The following STAU2 variants were observed in gnomAD, a reference collection of about 807,000 sequenced individuals.
STAU2 encodes staufen double-stranded RNA binding protein 2, also known as double-stranded RNA-binding protein Staufen homolog 2.
In STAU2, 20 loss-of-function variants were observed where a neutral mutation model predicts 65.9. The observed-to-expected ratio is 0.30, with a 90% CI of 0.21 to 0.44. STAU2 has a LOEUF of 0.44. Among genes scored for constraint, STAU2 ranks in the 20% least tolerant of loss-of-function variants. STAU2 has a pLI of 1.00. For missense variants in STAU2, 558 were observed against 683.9 expected, an observed-to-expected ratio of 0.82 and a Z score of 2.05; for synonymous variants, 232 against 233.9, an observed-to-expected ratio of 0.99 and a Z score of 0.07.
At chr8:73,471,173 C>CTTTT (rs35701266) in intron 13 of STAU2, among the ~76,000 whole-genome samples, 6 of 124,864 alleles carry the variant, frequency 4.8e-5, no homozygotes, top group Admixed American at 8.5e-5. Context: ...CTAATTCTCT[C>CTTTT]TTTTTTTTTT....
chr8:73,693,016 C>A (rs977862586), intron 4 of STAU2, among the ~76,000 whole-genome samples: 6 of 151,874 alleles, frequency 4.0e-5, no homozygotes, highest in African/African-American at 9.7e-5. Context: ...AAAAAATTAT[C>A]CAGGCATGGT....
chr8:73,659,491 C>A (rs1174356558), intron 6 of STAU2, among the ~76,000 whole-genome samples: 1 of 152,104 alleles, frequency 6.6e-6, no homozygotes, highest in African/African-American at 2.4e-5. Flanking sequence ...GAGCTGAGAT[C>A]GCGCCATTGC....
chr8:73,499,916 C>T lies in STAU2; in HGVS notation c.1530+52096G>A, dbSNP rs143617652. Among the ~76,000 whole-genome samples, 501 of 151,870 alleles carry T rather than the reference C, an allele frequency of 3.3e-3. 1 individual carries two copies. Among genetic ancestry groups the T allele is most frequent in the South Asian group, 0.012 (56 of 4,820 alleles). On this transcript the variant is annotated intron_variant, in intron 13 of 14. Transcript: ENST00000524300. ...AGAAGTGAAATACCTCTGTCAAAGA[C>T]AAGCAGTGATAGTCAAGAGATTGGC...
rs902742442 is a variant in STAU2 at position 73,422,849 on chromosome 8, C to T, written c.1531-147G>A. On this transcript the variant is annotated intron_variant, in intron 13 of 14. Coordinates refer to ENST00000524300, the MANE Select transcript of STAU2 (RefSeq NM_001164380.2). ...GTTTAACAAAAGTACACTAGAAAGT[C>T]TGCATGATCAGGCAGCAGTGTATAT... 3 of 534,888 alleles carry T rather than the reference C, an allele frequency of 5.6e-6. No homozygotes were observed. The Admixed American group carries it at 1.2e-4, about 22-fold the overall frequency. 33.1% of individuals were successfully genotyped at this position (534,888 alleles called of 1,614,324 possible).
At chr8:73,670,937 C>G (rs540495058) in intron 6 of STAU2, among the ~76,000 whole-genome samples, 2 of 151,982 alleles carry the variant, frequency 1.3e-5, no homozygotes, top group African/African-American at 4.8e-5. Flanking sequence ...CAATTAAAAG[C>G]CAAATTTTTT....
intron 13 of STAU2, among the ~76,000 whole-genome samples, chr8:73,547,117 TG>T (rs1359051628): frequency 7.9e-5 from 12 of 152,228 alleles, no homozygotes; most frequent in Non-Finnish European, 2.9e-5. Flanking sequence ...AAAGTTTCTT[TG>T]GTTGGAAAAG....
chr8:73,617,269 T>C, intron 7 of STAU2, 23 bp downstream of exon 7: 1 of 1,607,922 alleles, frequency 6.2e-7, no homozygotes, highest in Non-Finnish European at 8.5e-7. Flanking sequence ...AAGAACAGAC[T>C]GTCACATGCA....
chr8:73,721,748 A>G (rs1021621119), intron 3 of STAU2, among the ~76,000 whole-genome samples: 1 of 152,136 alleles, frequency 6.6e-6, no homozygotes, highest in Non-Finnish European at 1.5e-5. Context: ...CTAGGTTACC[A>G]TATTATATCT....
At position 73,642,207 on chromosome 8, in the gene STAU2, A is replaced by G. The variant is rs117347242; in HGVS notation, c.411-24756T>C. On this transcript the variant is annotated intron_variant, in intron 6 of 14. Transcript: ENST00000524300. The stretch of plus-strand genomic sequence containing the variant: ...TCTCCTACTGCTTCTCTATGCAAAC[A>G]TGGTCAGGTCTCCCCCACTCAAAAA... 2.2e-3 allele frequency among the ~76,000 whole-genome samples: 337 copies of G among 152,224 alleles called. 14 individuals carry two copies. The East Asian group carries it at 0.057, about 26-fold the overall frequency.
chr8:73,747,068 T>G, upstream of STAU2: 24 of 237,158 alleles, frequency 1.0e-4, no homozygotes, highest in East Asian at 1.9e-4. Flanking sequence ...AGCGCGGCCA[T>G]TGTTCGCGAC....
At chr8:73,728,652 A>G (rs1402014878) in intron 3 of STAU2, among the ~76,000 whole-genome samples, 1 of 152,190 alleles carries the variant, frequency 6.6e-6, no homozygotes, top group Non-Finnish European at 1.5e-5. Context: ...CAAGTCTTTC[A>G]TAAGCAAGTC....
intron 3 of STAU2, among the ~76,000 whole-genome samples, chr8:73,731,287 A>G (rs954973960): frequency 1.2e-4 from 19 of 152,110 alleles, no homozygotes; most frequent in African/African-American, 4.1e-4. Flanking sequence ...CCCAACGCCA[A>G]TCCCAACCCC....
chr8:73,595,913 A>G (rs1586083818), intron 10 of STAU2, among the ~76,000 whole-genome samples: 1 of 152,132 alleles, frequency 6.6e-6, no homozygotes, highest in African/African-American at 2.4e-5. Context: ...GGAGTTTGAG[A>G]CCAGCCTGGC....
chr8:73,592,446 G>T (rs184284181), intron 11 of STAU2, among the ~76,000 whole-genome samples: 1 of 151,966 alleles, frequency 6.6e-6, no homozygotes, highest in Non-Finnish European at 1.5e-5. Flanking sequence ...CATTCAAGCA[G>T]AAGTAGGTAA....
intron 3 of STAU2, among the ~76,000 whole-genome samples, chr8:73,709,548 T>C (rs10102697): frequency 0.072 from 10,966 of 152,094 alleles, 435 homozygotes; most frequent in Middle Eastern, 0.14. Context: ...GATCGTTTCA[T>C]CTCAATTTTT....
intron 6 of STAU2, among the ~76,000 whole-genome samples, chr8:73,637,029 G>A (rs1814576681): frequency 6.6e-6 from 1 of 151,724 alleles, no homozygotes; most frequent in African/African-American, 2.4e-5. Context: ...AAAATTCACT[G>A]GATAGACATA....
chr8:73,561,497 G>C (rs997998602), intron 12 of STAU2: 18 of 451,396 alleles, frequency 4.0e-5, no homozygotes, highest in Non-Finnish European at 8.0e-5. Context: ...CGTTCTTCTT[G>C]GTTATGATTC....
At chr8:73,438,403 T>C (rs1179550009) in intron 13 of STAU2, among the ~76,000 whole-genome samples, 1 of 151,968 alleles carries the variant, frequency 6.6e-6, no homozygotes, top group Non-Finnish European at 1.5e-5. Context: ...GGTGCTCAAG[T>C]CACCCTGGAG....
intron 13 of STAU2, chr8:73,549,912 C>A (rs1585984529): frequency 1.0e-6 from 1 of 985,740 alleles, no homozygotes; most frequent in South Asian, 4.7e-5. Context: ...GTAATAGAAA[C>A]AATCTACATG....
Sources: gnomAD v4.1 joint callset for allele counts (sites outside exome capture counted in the v4.1 genomes callset) on GRCh38, gnomAD v4.1.1 for gene constraint, MANE v1.5 for transcripts, NCBI Gene and HGNC (gene_info 2026-07-23, HGNC 2026-07-21) for gene names.